The following PTK2B variants were observed in gnomAD, a reference collection of about 807,000 sequenced individuals.
PTK2B encodes protein-tyrosine kinase 2-beta.
Under a neutral mutation model 142.9 loss-of-function variants are expected in PTK2B, and 71 were observed. The ratio of observed to expected loss-of-function variants is 0.50; its 90% CI spans 0.41 to 0.61. PTK2B has a LOEUF of 0.61. PTK2B is among the 20% of genes least tolerant of loss of function. PTK2B has a pLI of 0.00. For missense variants in PTK2B, 1,105 were observed against 1,320.4 expected (o/e 0.84, Z 2.53); for synonymous variants, 519 against 503.4 (o/e 1.03, Z -0.42).
chr8:27,427,784 A>AGAG (rs1461092320), intron 5 of PTK2B, among the ~76,000 whole-genome samples: 1 of 152,052 alleles, frequency 6.6e-6, no homozygotes, highest in African/African-American at 2.4e-5. Context: ...GGGAGGAGGA[A>AGAG]GAGGAGGAGG....
At chr8:27,382,170 A>G (rs1374157983) in intron 1 of PTK2B, among the ~76,000 whole-genome samples, 1 of 151,350 alleles carries the variant, frequency 6.6e-6, no homozygotes, top group Non-Finnish European at 1.5e-5. Flanking sequence ...CTGGTCTTGA[A>G]CTCCTGTCCT....
intron 1 of PTK2B, among the ~76,000 whole-genome samples, chr8:27,362,028 C>A (rs937555709): frequency 6.6e-5 from 10 of 152,246 alleles, no homozygotes. Flanking sequence ...ACCAACCTGA[C>A]TGGGTCTGTG....
chr8:27,397,419 C>A, intron 1 of PTK2B, 129 bp from the exon 2 acceptor site: 1 of 717,172 alleles, frequency 1.4e-6, no homozygotes, highest in Non-Finnish European at 2.3e-6. Context: ...TGCAGGGGAG[C>A]TTTTGGGAAT....
At chr8:27,442,146 A>G (rs564415044) in intron 21 of PTK2B, among the ~76,000 whole-genome samples, 3 of 152,306 alleles carry the variant, frequency 2.0e-5, no homozygotes, top group African/African-American at 7.2e-5. Flanking sequence ...GTGTAACAAT[A>G]GTTATATTTT....
At chr8:27,386,330 G>A (rs182094530) in intron 1 of PTK2B, among the ~76,000 whole-genome samples, 1 of 151,864 alleles carries the variant, frequency 6.6e-6, no homozygotes, top group African/African-American at 2.4e-5. Context: ...CCAACGTTGG[G>A]TAGCAAGATC....
At chr8:27,352,979 C>T (rs1805186729) in intron 1 of PTK2B, among the ~76,000 whole-genome samples, 1 of 152,156 alleles carries the variant, frequency 6.6e-6, no homozygotes, top group Non-Finnish European at 1.5e-5. Context: ...TAGCATTTTA[C>T]ATAACAAGAA....
At chr8:27,399,229 C>T (rs536735203) in intron 2 of PTK2B, among the ~76,000 whole-genome samples, 74 of 152,258 alleles carry the variant, frequency 4.9e-4, no homozygotes, top group African/African-American at 1.7e-3. Context: ...CAGAGAGCAG[C>T]AGGTTAGTTC....
intron 3 of PTK2B, among the ~76,000 whole-genome samples, chr8:27,319,955 C>A (rs901469189): frequency 6.6e-6 from 1 of 152,202 alleles, no homozygotes; most frequent in Non-Finnish European, 1.5e-5. Flanking sequence ...TTTCTCCCCA[C>A]CAACAACTGA....
At chr8:27,454,635 A>G (rs1330791334) in intron 30 of PTK2B, 24 bp downstream of exon 30, 1 of 1,607,392 alleles carries the variant, frequency 6.2e-7, no homozygotes, top group Admixed American at 1.7e-5. Context: ...TCCAGACAGC[A>G]CCATAGGCTG....
chr8:27,347,841 A>G (rs1226926810), intron 1 of PTK2B, among the ~76,000 whole-genome samples: 1 of 152,012 alleles, frequency 6.6e-6, no homozygotes, highest in African/African-American at 2.4e-5. Context: ...CTATATTTCT[A>G]CCTCTCATGC....
In PTK2B at chr8:27,440,276, CCTT is replaced by C; in HGVS notation, c.1880_1882del (p.Phe627del). ...GAGATCCTGAGCTTTGGGAAGCAGCCCTTCTTCTGGCTGGAGAACAAGGATGTC... is the reference window on the plus strand; with the variant it reads ...GAGATCCTGAGCTTTGGGAAGCAGCCCTTCTGGCTGGAGAACAAGGATGTC... On this transcript the variant is annotated inframe_deletion, in exon 21 of 31. Coordinates refer to ENST00000346049, the MANE Select transcript of PTK2B (RefSeq NM_173176.3). 4 of 1,614,196 alleles carry C rather than the reference CCTT, an allele frequency of 2.5e-6. No individual in the cohort carries two copies. The highest frequency in any genetic ancestry group is 1.3e-5 in the African/African-American group (1 of 75,052).
chr8:27,419,800 C>T lies in PTK2B; in HGVS notation c.205-95C>T, dbSNP rs1392423499. On this transcript the variant is annotated intron_variant, in intron 2 of 30. Coordinates refer to ENST00000346049, the MANE Select transcript of PTK2B (RefSeq NM_173176.3). ...CAAATCGAACATGAAGACAGAATCC[C>T]ACCCTAGAGAATCCCACTTTTCAGG... 9 of 1,345,274 alleles carry T rather than the reference C, an allele frequency of 6.7e-6. No individual in the cohort carries two copies. In the African/African-American group the frequency reaches 1.2e-4, roughly 17 times the overall value. 83.3% of individuals were successfully genotyped at this position (1,345,274 alleles called of 1,614,324 possible). A position where few individuals can be genotyped will look rare whatever the true frequency, so the allele number is the denominator to read the frequency against.
intron 1 of PTK2B, among the ~76,000 whole-genome samples, chr8:27,346,010 G>A (rs1804690122): frequency 6.6e-6 from 1 of 152,148 alleles, no homozygotes; most frequent in African/African-American, 2.4e-5. Context: ...AAAGATTCAT[G>A]TCTCACCCCT....
At chr8:27,387,110 G>A (rs1321165475) in intron 1 of PTK2B, among the ~76,000 whole-genome samples, 1 of 152,162 alleles carries the variant, frequency 6.6e-6, no homozygotes, top group Non-Finnish European at 1.5e-5. Flanking sequence ...AGCTTGATGT[G>A]TGGAGACCAA....
chr8:27,420,462 T>C (rs1323889328), intron 3 of PTK2B, among the ~76,000 whole-genome samples, 195 bp from the exon 4 acceptor site: 1 of 152,136 alleles, frequency 6.6e-6, no homozygotes, highest in African/African-American at 2.4e-5. Flanking sequence ...GCCAGCCACC[T>C]CCCTGTTGAT....
intron 22 of PTK2B, among the ~76,000 whole-genome samples, chr8:27,443,630 C>T (rs549282224): frequency 6.6e-6 from 1 of 152,308 alleles, no homozygotes; most frequent in South Asian, 2.1e-4. Context: ...GCTCCATCCT[C>T]ATAACCTCAT....
chr8:27,356,145 A>G (rs1335216951), intron 1 of PTK2B, among the ~76,000 whole-genome samples: 1 of 152,150 alleles, frequency 6.6e-6, no homozygotes, highest in Non-Finnish European at 1.5e-5. Context: ...GTAAGAAAAC[A>G]TGGCCCCCTT....
At chr8:27,448,013 C>G (rs1016091748) in intron 24 of PTK2B, among the ~76,000 whole-genome samples, 8 of 152,226 alleles carry the variant, frequency 5.3e-5, no homozygotes, top group Non-Finnish European at 2.9e-5. Flanking sequence ...GCACACTTAC[C>G]TGTAATGCAA....
chr8:27,327,371 C>T (rs1236624146), intron 1 of PTK2B, among the ~76,000 whole-genome samples: 2 of 151,926 alleles, frequency 1.3e-5, no homozygotes, highest in African/African-American at 2.4e-5. Context: ...AATAAAAGCA[C>T]GGGACACTCA....
Sources: gnomAD v4.1 joint callset for allele counts (sites outside exome capture counted in the v4.1 genomes callset) on GRCh38, gnomAD v4.1.1 for gene constraint, MANE v1.5 for transcripts, NCBI Gene and HGNC (gene_info 2026-07-23, HGNC 2026-07-21) for gene names.